Variants in ST7 observed in about 807,000 individuals in gnomAD.
The protein encoded by ST7 is suppressor of tumorigenicity 7 protein.
ST7 carries 28 observed loss-of-function variants against 78.7 expected under a neutral mutation model. That is an observed-to-expected ratio of 0.36 (90% CI 0.26 to 0.49). ST7 has a LOEUF of 0.49. Ranked by LOEUF, ST7 falls within the 20% of genes least tolerant of loss-of-function variation. ST7 has a pLI of 0.99. For missense variants in ST7, 418 were observed against 696.0 expected (o/e 0.60, Z 4.49); for synonymous variants, 247 against 249.6 (o/e 0.99, Z 0.10).
At chr7:116,990,850 A>C (rs1286419735) in intron 1 of ST7, among the ~76,000 whole-genome samples, 1 of 152,236 alleles carries the variant, frequency 6.6e-6, no homozygotes, top group Non-Finnish European at 1.5e-5. Flanking sequence ...AGAATGGAAA[A>C]TTTAAAAAGT....
At chr7:117,032,984 C>CTA (rs1388914311) in intron 1 of ST7, among the ~76,000 whole-genome samples, 3 of 152,128 alleles carry the variant, frequency 2.0e-5, no homozygotes, top group African/African-American at 7.2e-5. Context: ...ATAAGGGGGT[C>CTA]TAGTTTTACT....
chr7:117,218,961 G>A, intron 13 of ST7, 123 bp from the exon 14 acceptor site: 1 of 696,068 alleles, frequency 1.4e-6, no homozygotes, highest in Admixed American at 2.5e-5. Context: ...GCTTGGTGGG[G>A]TAAGCCTTGC....
chr7:117,209,765 G>A (rs1792136085), intron 12 of ST7, 22 bp from the exon 13 acceptor site: 1 of 1,609,150 alleles, frequency 6.2e-7, no homozygotes, highest in Non-Finnish European at 8.5e-7. Context: ...TAACACAAGT[G>A]TGTCCTGCTT....
In ST7 at chr7:117,190,888, A is replaced by T; in HGVS notation, c.1206A>T (p.Ala402=). ...GGCTGAGCACAGCAGAGATGAATGC[A>T]GTAGAGGCCATTCATAGAGCTGTGG... ...RRGLSTAEMN[A]VEAIHRAVEF... Residue 402 remains alanine, a synonymous_variant, in exon 12 of 16, where the codon GCA becomes GCT. Coordinates refer to ENST00000323984, the MANE Select transcript of ST7 (RefSeq NM_001369598.1). The surrounding 1 kb of genome is among the most constrained non-coding windows in gnomAD (Gnocchi z 5.2). The T allele has an allele frequency of 6.2e-7, 1 of 1,614,118 alleles. No individual in the cohort carries two copies. The highest frequency in any genetic ancestry group is 1.1e-5 in the South Asian group (1 of 91,082).
At chr7:116,980,888 G>A (rs376244694) in intron 1 of ST7, among the ~76,000 whole-genome samples, 1 of 152,172 alleles carries the variant, frequency 6.6e-6, no homozygotes, top group African/African-American at 2.4e-5. Flanking sequence ...TAATTCTGTC[G>A]ATTCTATGCA....
chr7:117,154,970 T>C (rs1417994274), intron 9 of ST7, among the ~76,000 whole-genome samples: 1 of 151,920 alleles, frequency 6.6e-6, no homozygotes, highest in Non-Finnish European at 1.5e-5. Context: ...CAAGCATCTA[T>C]AGAATGCCTC....
chr7:117,048,836 C>T (rs1357964720), intron 1 of ST7, among the ~76,000 whole-genome samples: 1 of 152,124 alleles, frequency 6.6e-6, no homozygotes, highest in Non-Finnish European at 1.5e-5. Flanking sequence ...CCTCATAGCA[C>T]TGACAGTCCT....
chr7:117,126,123 G>A (rs1263267286), intron 3 of ST7, among the ~76,000 whole-genome samples: 1 of 151,962 alleles, frequency 6.6e-6, no homozygotes, highest in Non-Finnish European at 1.5e-5. Flanking sequence ...TGCTACTACT[G>A]TTTGTAATAA....
intron 1 of ST7, among the ~76,000 whole-genome samples, chr7:117,009,921 G>C (rs1795320122): frequency 6.6e-6 from 1 of 152,120 alleles, no homozygotes; most frequent in African/African-American, 2.4e-5. Flanking sequence ...GAGAACCGGG[G>C]ATCCTGCCAC....
chr7:117,223,007 C>G, intron 15 of ST7: 1 of 1,498,948 alleles, frequency 6.7e-7, no homozygotes, highest in Non-Finnish European at 9.3e-7. Flanking sequence ...CCCCCACCAC[C>G]AAAACTGCTC....
intron 1 of ST7, among the ~76,000 whole-genome samples, chr7:117,023,576 T>A (rs1218705226): frequency 6.6e-6 from 1 of 152,200 alleles, no homozygotes; most frequent in Non-Finnish European, 1.5e-5. Flanking sequence ...TATTACCATC[T>A]TGATGTATTT....
intron 1 of ST7, among the ~76,000 whole-genome samples, chr7:117,005,835 A>G (rs1361345858): frequency 6.6e-6 from 1 of 152,232 alleles, no homozygotes; most frequent in Admixed American, 6.5e-5. Context: ...ATCTTTAATT[A>G]GGTATTTTAA....
rs568099318 is a variant in ST7 at position 117,230,007 on chromosome 7, G to C, written c.*150G>C. The C allele has an allele frequency of 1.2e-3, 968 of 786,192 alleles. 3 individuals carry two copies. The highest frequency in any genetic ancestry group is 3.3e-3 in the Middle Eastern group (15 of 4,496). 48.7% of individuals were successfully genotyped at this position (786,192 alleles called of 1,614,324 possible). A position where few individuals can be genotyped will look rare whatever the true frequency, so the allele number is the denominator to read the frequency against. ...CATGGACTATTCCATATTAAAAGCT[G>C]TTTTTGTTGTACAAAATTCACTGAT... On this transcript the variant is annotated 3_prime_UTR_variant, in exon 16 of 16. Coordinates refer to ENST00000323984, the MANE Select transcript of ST7 (RefSeq NM_001369598.1).
intron 1 of ST7, among the ~76,000 whole-genome samples, chr7:117,027,799 AGAG>A (rs1215946160): frequency 6.6e-6 from 1 of 152,240 alleles, no homozygotes; most frequent in Non-Finnish European, 1.5e-5. Flanking sequence ...TTAATGATTC[AGAG>A]CCACCACTGG....
At chr7:117,222,307 G>T (rs781696727) in intron 15 of ST7, among the ~76,000 whole-genome samples, 4 of 152,178 alleles carry the variant, frequency 2.6e-5, no homozygotes, top group Non-Finnish European at 5.9e-5. Context: ...TCCAAAAAAT[G>T]CAGGAGGTCC....
chr7:117,223,364 T>C (rs911635768), intron 15 of ST7: 1 of 189,930 alleles, frequency 5.3e-6, no homozygotes, highest in African/African-American at 2.4e-5. Context: ...AGCATGTCAC[T>C]TCCCTGCTTA....
intron 14 of ST7, among the ~76,000 whole-genome samples, chr7:117,220,871 C>A (rs1177567018): frequency 6.6e-6 from 1 of 152,166 alleles, no homozygotes; most frequent in Non-Finnish European, 1.5e-5. Flanking sequence ...CTCCTGGATT[C>A]CCTCCACCCT....
intron 1 of ST7, among the ~76,000 whole-genome samples, chr7:116,974,593 T>C (rs1473581884): frequency 6.6e-6 from 1 of 152,168 alleles, no homozygotes; most frequent in Non-Finnish European, 1.5e-5. Context: ...GCCGGGCCTT[T>C]TCTTTTTGAA....
At chr7:117,014,895 G>T (rs1795536881) in intron 1 of ST7, 4 of 939,104 alleles carry the variant, frequency 4.3e-6, no homozygotes, top group Non-Finnish European at 5.7e-6. Flanking sequence ...CATGTCACAT[G>T]GCAGGAGGCT....
Sources: allele counts gnomAD v4.1 joint callset (sites outside exome capture counted in the v4.1 genomes callset), GRCh38; gene constraint gnomAD v4.1.1; non-coding constraint Gnocchi (gnomAD v3.1); transcripts MANE v1.5; gene names NCBI Gene and HGNC (gene_info 2026-07-23, HGNC 2026-07-21).